RBAK: variants seen among roughly 807,000 people sequenced by gnomAD.
The protein encoded by RBAK is RB-associated KRAB zinc finger protein.
RBAK carries 39 observed loss-of-function variants against 65.8 expected under a neutral mutation model. The observed-to-expected ratio is 0.59, with a 90% CI of 0.46 to 0.77. The LOEUF is 0.77. Ranked by LOEUF, RBAK falls within the 30% of genes least tolerant of loss-of-function variation. The pLI, the probability that RBAK is intolerant of heterozygous loss-of-function variation, is 0.00. For missense variants in RBAK, 884 were observed against 855.1 expected, an observed-to-expected ratio of 1.03 and a Z score of -0.42; for synonymous variants, 343 against 289.7, an observed-to-expected ratio of 1.18 and a Z score of -1.87.
Position 5,065,176 on chromosome 7 carries a change from A to G in RBAK, c.1720A>G (p.Lys574Glu). The change falls in exon 5 of 5, where the codon AAA (lysine) becomes GAA (glutamate). Residue 574 changes from lysine (K) to glutamate (E), a missense_variant. Coordinates refer to ENST00000396912, the MANE Select transcript of RBAK (RefSeq NM_021163.4). The surrounding 1 kb of genome is among the most constrained non-coding windows in gnomAD (Gnocchi z 5.3). The part of the protein sequence containing the change: ...EKPYGCSECG[K>E]TFSHNSSLFR... ...ACCTTATGGATGTAGCGAATGTGGGAAAACCTTTTCCCATAATTCATCCCT... is the reference window on the plus strand; with the variant it reads ...ACCTTATGGATGTAGCGAATGTGGGGAAACCTTTTCCCATAATTCATCCCT... The G allele has an allele frequency of 6.2e-7, 1 of 1,613,770 alleles. No individual in the cohort carries two copies. Among genetic ancestry groups the G allele is most frequent in the Non-Finnish European group, 8.5e-7 (1 of 1,179,884 alleles).
chr7:5,057,653 C>T (rs1014553669), intron 3 of RBAK, 31 bp from the exon 4 acceptor site: 4 of 1,612,956 alleles, frequency 2.5e-6, no homozygotes, highest in Non-Finnish European at 3.4e-6. Flanking sequence ...CAAGCAGCTT[C>T]CCCAAGTCCT....
chr7:5,061,853 G>T (rs917113911), intron 4 of RBAK, among the ~76,000 whole-genome samples: 14 of 151,676 alleles, frequency 9.2e-5, no homozygotes, highest in Admixed American at 6.6e-5. Context: ...AGCCAAAATG[G>T]TGCCATTGTA....
rs1325707635 is a variant in RBAK, at chr7:5,065,207, G to C, written c.1751G>C (p.Arg584Thr). The change falls in exon 5 of 5, where the codon AGA (arginine) becomes ACA (threonine). Residue 584 changes from arginine (R) to threonine (T), a missense_variant. Coordinates refer to ENST00000396912, the MANE Select transcript of RBAK (RefSeq NM_021163.4). This position sits in a 1 kb window ranked among gnomAD's most constrained non-coding sequence, Gnocchi z 5.3. ...TTTTCCCATAATTCATCCCTCTTCA[G>C]ACATCAAAGAGTACACACAGGCGAG... ...KTFSHNSSLF[R>T]HQRVHTGEKP... 3 of 1,613,164 alleles carry C rather than the reference G, an allele frequency of 1.9e-6. No individual in the cohort carries two copies.
At chr7:5,062,760 C>G (rs1471961277) in intron 4 of RBAK, among the ~76,000 whole-genome samples, 1 of 152,206 alleles carries the variant, frequency 6.6e-6, no homozygotes, top group Non-Finnish European at 1.5e-5. Context: ...TAGGCCCACC[C>G]CTAGGCGCAT....
rs775390304 is a variant in RBAK at position 5,065,572 on chromosome 7, A to G, written c.2116A>G (p.Met706Val). The change falls in exon 5 of 5, where the codon ATG becomes GTG. Residue 706 changes from methionine to valine, a missense_variant. Coordinates refer to ENST00000396912, the MANE Select transcript of RBAK (RefSeq NM_021163.4). The surrounding 1 kb of genome is among the most constrained non-coding windows in gnomAD (Gnocchi z 5.3). ...TCAGAGAATTCATAGAAGAGGAAATATGAACGTACTTGATGTGGAAAATCT... is the reference window on the plus strand; with the variant it reads ...TCAGAGAATTCATAGAAGAGGAAATGTGAACGTACTTGATGTGGAAAATCT... ...SHQRIHRRGN[M>V]NVLDVENL is the part of the protein sequence containing the mutation. 6.5e-7 allele frequency: 1 copy of G among 1,542,176 alleles called. No homozygotes were observed. Among genetic ancestry groups the G allele is most frequent in the South Asian group, 1.3e-5 (1 of 77,870 alleles).
Position 5,064,415 on chromosome 7 carries a change from A to C in RBAK, c.959A>C (p.Asn320Thr), listed in dbSNP as rs773815863. 4 of 1,614,146 alleles carry C rather than the reference A, an allele frequency of 2.5e-6. No individual in the cohort carries two copies. The highest frequency in any genetic ancestry group is 3.4e-6 in the Non-Finnish European group (4 of 1,180,000). ...SHLEEKPYKC[N>T]ECGKTFCQKL... ...TTAGAGGAGAAGCCCTATAAATGTA[A>C]TGAATGTGGGAAAACCTTTTGTCAG... The change falls in exon 5 of 5, where the codon AAT becomes ACT. Residue 320 changes from asparagine (N) to threonine (T), a missense_variant. By Grantham distance (65) the Asn-to-Thr change is moderately conservative. Coordinates refer to ENST00000396912, the MANE Select transcript of RBAK (RefSeq NM_021163.4). The surrounding 1 kb of genome is among the most constrained non-coding windows in gnomAD (Gnocchi z 6.3).
In RBAK at chr7:5,064,458, A is replaced by ACACCTAAGAACT. The variant is rs1421849588; in HGVS notation, c.1005_1016dup (p.Leu336_His339dup). 6.2e-7 allele frequency: 1 copy of ACACCTAAGAACT among 1,613,956 alleles called. No individual in the cohort carries two copies. Among genetic ancestry groups the ACACCTAAGAACT allele is most frequent in the Non-Finnish European group, 8.5e-7 (1 of 1,179,980 alleles). The stretch of plus-strand genomic sequence containing the variant: ...TTTGTCAGAAGTTACACCTCACTCA[A>ACACCTAAGAACT]CACCTAAGAACTCATTCAGGAGAGA... On this transcript the variant is annotated inframe_insertion, in exon 5 of 5. Transcript: ENST00000396912. The surrounding 1 kb of genome is among the most constrained non-coding windows in gnomAD (Gnocchi z 6.3).
In RBAK at chr7:5,067,070, TAAACTA is replaced by T. The variant is rs1779237553; in HGVS notation, c.*1470_*1475del. 6.6e-6 allele frequency: 1 copy of T among 152,176 alleles called. No homozygotes were observed. The highest frequency in any genetic ancestry group is 1.5e-5 in the Non-Finnish European group (1 of 68,004). The allele number at this position is 152,176 out of a possible 1,614,324, so 9.4% of individuals were successfully genotyped here. ...ACTTACTTAACTGCATAAAGAGACT[TAAACTA>T]CAACAAACAATATGCTTAATGATGA... On this transcript the variant is annotated 3_prime_UTR_variant, in exon 5 of 5. Coordinates refer to ENST00000396912, the MANE Select transcript of RBAK (RefSeq NM_021163.4).
chr7:5,054,391 G>A (rs1199776548), intron 2 of RBAK, among the ~76,000 whole-genome samples: 1 of 145,370 alleles, frequency 6.9e-6, no homozygotes, highest in Admixed American at 6.8e-5. Flanking sequence ...GAAGACAAGA[G>A]TGAGACTTTG....
In RBAK at chr7:5,058,858, A is replaced by C. The variant is rs774419722; in HGVS notation, c.238+1079A>C. Among the ~76,000 whole-genome samples the C allele has an allele frequency of 5.3e-5, 8 of 152,200 alleles. No homozygotes were observed. In the South Asian group the frequency reaches 1.0e-3, roughly 20 times the overall value. ...TTGTATCCCTTAAAAGAGTTTATCTAATCTCACCTTCTAAGACCTTTTTTC... is the reference window on the plus strand; with the variant it reads ...TTGTATCCCTTAAAAGAGTTTATCTCATCTCACCTTCTAAGACCTTTTTTC... On this transcript the variant is annotated intron_variant, in intron 4 of 4. Transcript: ENST00000396912.
chr7:5,050,747 T>G (rs1788098771), intron 2 of RBAK, among the ~76,000 whole-genome samples: 1 of 152,082 alleles, frequency 6.6e-6, no homozygotes, highest in Non-Finnish European at 1.5e-5. Context: ...GCGAATTTTT[T>G]AATTTTTAGT....
At position 5,064,039 on chromosome 7, in the gene RBAK, C is replaced by T; in HGVS notation, c.583C>T (p.Leu195Phe). 1 of 1,613,030 alleles carries T rather than the reference C, an allele frequency of 6.2e-7. No individual in the cohort carries two copies. Among genetic ancestry groups the T allele is most frequent in the Non-Finnish European group, 8.5e-7 (1 of 1,179,722 alleles). ...CTATTCTCACAATGAAGAAAATATT[C>T]TTCAGAAAATTAGTATTTTGGAGAA... is the stretch of plus-strand genomic sequence containing the variant. ...DTYSHNEENI[L>F]QKISILEKPF... The change falls in exon 5 of 5, where the codon CTT becomes TTT. Residue 195 changes from leucine to phenylalanine, a missense_variant. Physicochemically the swap from Leu to Phe is conservative, Grantham distance 22. Transcript: ENST00000396912. This position sits in a 1 kb window ranked among gnomAD's most constrained non-coding sequence, Gnocchi z 6.3.
chr7:5,058,737 T>C (rs1415268754), intron 4 of RBAK, among the ~76,000 whole-genome samples: 1 of 152,248 alleles, frequency 6.6e-6, no homozygotes, highest in Non-Finnish European at 1.5e-5. Context: ...TAGTAGACAT[T>C]CAGGAAGTGT....
chr7:5,049,216 G>A (rs567692062), intron 2 of RBAK, among the ~76,000 whole-genome samples: 2 of 152,138 alleles, frequency 1.3e-5, no homozygotes, highest in African/African-American at 4.8e-5. Flanking sequence ...CTTATTCTTG[G>A]TGCTTATGTA....
chr7:5,049,627 T>C (rs1242533704), intron 2 of RBAK, among the ~76,000 whole-genome samples: 1 of 152,196 alleles, frequency 6.6e-6, no homozygotes, highest in East Asian at 1.9e-4. Flanking sequence ...ACTTTCTCCA[T>C]GGAGTCTCTC....
At chr7:5,063,586 G>A (rs909356837) in intron 4 of RBAK, 109 bp from the exon 5 acceptor site, 3 of 781,352 alleles carry the variant, frequency 3.8e-6, no homozygotes, top group Non-Finnish European at 5.8e-6. Flanking sequence ...TATGGAGATT[G>A]GCTCTAAAGC....
At position 5,046,047 on chromosome 7, in the gene RBAK, C is replaced by G; in HGVS notation, c.-394C>G. ...CGGGTGGAGGCTTGAGCGGGGACCCCCGAGCTTGAGCCCCGGAGCCGGCGG... is the reference window on the plus strand; with the variant it reads ...CGGGTGGAGGCTTGAGCGGGGACCCGCGAGCTTGAGCCCCGGAGCCGGCGG... On this transcript the variant is annotated 5_prime_UTR_variant, in exon 1 of 5. Coordinates refer to ENST00000396912, the MANE Select transcript of RBAK (RefSeq NM_021163.4). 3.6e-6 allele frequency: 1 copy of G among 279,254 alleles called. No homozygotes were observed. Among genetic ancestry groups the G allele is most frequent in the South Asian group, 2.9e-5 (1 of 34,852 alleles). 17.3% of individuals were successfully genotyped at this position (279,254 alleles called of 1,614,324 possible).
intron 2 of RBAK, among the ~76,000 whole-genome samples, chr7:5,054,609 T>TTCTTTGTAGAGACAGGGTCTATTTTTG (rs1788185562): frequency 6.6e-6 from 1 of 151,912 alleles, no homozygotes; most frequent in South Asian, 2.1e-4. Flanking sequence ...ATATATTTTT[T>TTCTTTGTAGAGACAGGGTCTATTTTTG]TCTTTGTAGA....
chr7:5,050,644 G>A (rs895006231), intron 2 of RBAK, among the ~76,000 whole-genome samples: 4 of 151,884 alleles, frequency 2.6e-5, no homozygotes, highest in Non-Finnish European at 5.9e-5. Flanking sequence ...TCGTGTTTAC[G>A]GCTCACTGCA....
Sources: allele counts gnomAD v4.1 joint callset (sites outside exome capture counted in the v4.1 genomes callset), GRCh38; gene constraint gnomAD v4.1.1; non-coding constraint Gnocchi (gnomAD v3.1); transcripts MANE v1.5; gene names NCBI Gene and HGNC (gene_info 2026-07-23, HGNC 2026-07-21).